The following ECT2L variants were observed in gnomAD, a reference collection of about 807,000 sequenced individuals.
ECT2L encodes the protein epithelial cell-transforming sequence 2 oncogene-like.
A neutral mutation model predicts 122.8 loss-of-function variants in ECT2L; 126 were observed. The observed-to-expected ratio is 1.03, with a 90% CI of 0.89 to 1.19. ECT2L has a LOEUF of 1.19. Among genes scored for constraint, ECT2L ranks in the 50% most tolerant of loss-of-function variants. The pLI is 0.00. For missense variants in ECT2L, 1,012 were observed against 1,064.1 expected (o/e 0.95, Z 0.68); for synonymous variants, 385 against 381.8 (o/e 1.01, Z -0.10).
intron 1 of ECT2L, among the ~76,000 whole-genome samples, chr6:138,806,764 C>T (rs1486480619): frequency 2.0e-5 from 3 of 151,928 alleles, no homozygotes; most frequent in Non-Finnish European, 2.9e-5. Flanking sequence ...CCACCCACCT[C>T]GGCCTCCCAA....
chr6:138,873,886 G>GTGTGTGTGTGTGTGTGTGTGTA (rs1778345515), intron 13 of ECT2L, among the ~76,000 whole-genome samples: 1 of 123,422 alleles, frequency 8.1e-6, no homozygotes, highest in African/African-American at 3.1e-5. Flanking sequence ...GTGTGTGTGT[G>GTGTGTGTGTGTGTGTGTGTGTA]TGTGTGTGTG....
chr6:138,878,132 C>T (rs1225616004), intron 14 of ECT2L, among the ~76,000 whole-genome samples: 1 of 152,084 alleles, frequency 6.6e-6, no homozygotes, highest in African/African-American at 2.4e-5. Context: ...GAAAAACTAT[C>T]TGGTAATCAT....
At chr6:138,845,793 A>G (rs187292696) in intron 7 of ECT2L, among the ~76,000 whole-genome samples, 1 of 152,258 alleles carries the variant, frequency 6.6e-6, no homozygotes, top group Non-Finnish European at 1.5e-5. Context: ...TTAAGAGGTC[A>G]GGCATGATGG....
intron 4 of ECT2L, among the ~76,000 whole-genome samples, chr6:138,825,581 T>TAA (rs1352507316): frequency 6.6e-6 from 1 of 151,570 alleles, no homozygotes; most frequent in Non-Finnish European, 1.5e-5. Context: ...GGACTCCGTC[T>TAA]AAAAAAAGAA....
At chr6:138,854,273 T>A (rs775834222) in intron 10 of ECT2L, 119 bp downstream of exon 10, 51 of 1,245,814 alleles carry the variant, frequency 4.1e-5, no homozygotes, top group Non-Finnish European at 5.0e-5. Context: ...TTCAATTTCT[T>A]TTTTCTTTGT....
At chr6:138,796,517 T>C (rs550713239) in intron 1 of ECT2L, among the ~76,000 whole-genome samples, 1 of 152,258 alleles carries the variant, frequency 6.6e-6, no homozygotes, top group Admixed American at 6.5e-5. Flanking sequence ...CTGATTTTCA[T>C]AGGTTCACAC....
intron 20 of ECT2L, among the ~76,000 whole-genome samples, chr6:138,893,179 T>G (rs1009735578): frequency 1.0e-4 from 15 of 145,894 alleles, no homozygotes; most frequent in African/African-American, 2.1e-4. Flanking sequence ...TTTTTGTTTT[T>G]TTTTTGTTTT....
intron 8 of ECT2L, among the ~76,000 whole-genome samples, chr6:138,847,354 A>ATTTTTTTTTTTTTTTTTTTT (rs1562471985): frequency 9.0e-6 from 1 of 111,064 alleles, no homozygotes; most frequent in African/African-American, 4.0e-5. Flanking sequence ...AAAGGCCCAA[A>ATTTTTTTTTTTTTTTTTTTT]CTTTTTTTTT....
intron 4 of ECT2L, among the ~76,000 whole-genome samples, chr6:138,834,403 T>C (rs368292555): frequency 2.0e-5 from 3 of 152,186 alleles, no homozygotes; most frequent in Admixed American, 2.0e-4. Flanking sequence ...AAACGTGTCC[T>C]TGTAGCAGCA....
chr6:138,887,805 G>C (rs1386383470), intron 19 of ECT2L, among the ~76,000 whole-genome samples: 1 of 152,056 alleles, frequency 6.6e-6, no homozygotes, highest in Non-Finnish European at 1.5e-5. Flanking sequence ...CTATTTCACT[G>C]GATAAACCCC....
At chr6:138,899,039 GCCTT>G (rs1483601014) in intron 20 of ECT2L, among the ~76,000 whole-genome samples, 2 of 152,134 alleles carry the variant, frequency 1.3e-5, no homozygotes. Flanking sequence ...CTATTGTGTA[GCCTT>G]TGACCAATCC....
chr6:138,819,298 G>A (rs1338460792), intron 4 of ECT2L, among the ~76,000 whole-genome samples: 1 of 150,872 alleles, frequency 6.6e-6, no homozygotes, highest in Non-Finnish European at 1.5e-5. Flanking sequence ...GAAAGCCAAA[G>A]CTCTTTTTTT....
intron 1 of ECT2L, among the ~76,000 whole-genome samples, chr6:138,797,628 T>C (rs1486092024): frequency 3.3e-5 from 5 of 151,756 alleles, no homozygotes; most frequent in Non-Finnish European, 5.9e-5. Context: ...TAATCTGGCT[T>C]TGGTTGTTCT....
chr6:138,800,560 T>G (rs924754663), intron 1 of ECT2L, among the ~76,000 whole-genome samples: 14 of 143,032 alleles, frequency 9.8e-5, no homozygotes, highest in Non-Finnish European at 1.6e-5. Flanking sequence ...AAGAATAATC[T>G]GTCAAATCTA....
chr6:138,895,421 T>C (rs1407877975), intron 20 of ECT2L, among the ~76,000 whole-genome samples: 1 of 152,106 alleles, frequency 6.6e-6, no homozygotes, highest in East Asian at 1.9e-4. Flanking sequence ...CCTAAAGTCA[T>C]AGAATAAGTG....
At chr6:138,826,879 C>T (rs1238658874) in intron 4 of ECT2L, among the ~76,000 whole-genome samples, 1 of 152,062 alleles carries the variant, frequency 6.6e-6, no homozygotes, top group African/African-American at 2.4e-5. Context: ...ACCCATCCCC[C>T]ACTGTCTCAC....
intron 15 of ECT2L, among the ~76,000 whole-genome samples, chr6:138,881,951 C>T (rs1387003102): frequency 1.3e-5 from 2 of 152,110 alleles, no homozygotes; most frequent in Non-Finnish European, 2.9e-5. Context: ...ATAGACTGTC[C>T]ATGCAAAAGC....
At chr6:138,892,141 C>T (rs1026902997) in intron 20 of ECT2L, among the ~76,000 whole-genome samples, 1 of 152,146 alleles carries the variant, frequency 6.6e-6, no homozygotes, top group South Asian at 2.1e-4. Flanking sequence ...ACCCGATACC[C>T]CTACTTTGTC....
intron 4 of ECT2L, among the ~76,000 whole-genome samples, chr6:138,829,679 T>C (rs998795053): frequency 3.0e-4 from 45 of 152,192 alleles, no homozygotes; most frequent in African/African-American, 9.6e-4. Flanking sequence ...CCTTAAGGTA[T>C]GCCACATTTA....
Sources: allele counts gnomAD v4.1 joint callset (sites outside exome capture counted in the v4.1 genomes callset), GRCh38; gene constraint gnomAD v4.1.1; transcripts MANE v1.5; gene names NCBI Gene and HGNC (gene_info 2026-07-23, HGNC 2026-07-21).